Variants in DHRSX observed in about 807,000 individuals in gnomAD.
DHRSX encodes the protein dehydrogenase/reductase X-linked.
Under a neutral mutation model 34.0 loss-of-function variants are expected in DHRSX, and 31 were observed. The ratio of observed to expected loss-of-function variants is 0.91; its 90% CI spans 0.69 to 1.23. The LOEUF (loss-of-function observed/expected upper bound fraction) is 1.23, where lower values mean the gene tolerates loss of function less well. Among genes scored for constraint, DHRSX ranks in the 50% most tolerant of loss-of-function variants. The probability of loss-of-function intolerance (pLI) is 0.00; values close to 1 mark genes in which losing one functional copy is unlikely to be tolerated. For missense variants in DHRSX, 414 were observed against 428.1 expected (o/e 0.97, Z 0.29); for synonymous variants, 201 against 183.8 (o/e 1.09, Z -0.76).
chrX:2,350,018 G>A (rs78292193), intron 3 of DHRSX, among the ~76,000 whole-genome samples: 113,661 of 150,624 alleles, frequency 0.75, 44,064 homozygotes, highest in African/African-American at 0.9. Flanking sequence ...CAGCCTGGGC[G>A]ACAGAGACTC....
intron 3 of DHRSX, among the ~76,000 whole-genome samples, chrX:2,302,739 T>C: frequency 6.6e-6 from 1 of 152,246 alleles, no homozygotes; most frequent in Non-Finnish European, 1.5e-5. Context: ...TGTTCAGAAA[T>C]TGAAAGTAAA....
intron 1 of DHRSX, among the ~76,000 whole-genome samples, chrX:2,483,746 T>G (rs1320047858): frequency 3.1e-4 from 42 of 137,094 alleles, no homozygotes; most frequent in African/African-American, 1.1e-3. Flanking sequence ...GACAAATAAG[T>G]GGATTCCAAT....
At chrX:2,494,534 G>T (rs1425340823) in intron 1 of DHRSX, among the ~76,000 whole-genome samples, 1 of 151,902 alleles carries the variant, frequency 6.6e-6, no homozygotes, top group Non-Finnish European at 1.5e-5. Flanking sequence ...TAGGCTGAAA[G>T]AAGTCCGGGT....
At position 2,465,542 on chromosome X, in the gene DHRSX, C is replaced by G. The variant is rs1246954389; in HGVS notation, c.109+35275G>C. ...AGACGGCCAGGCACCGTGGCTGACA[C>G]CTGTCATCCGAGCACTTTGGGAGGC... On this transcript the variant is annotated intron_variant, in intron 1 of 6. Coordinates refer to ENST00000334651, the MANE Select transcript of DHRSX (RefSeq NM_145177.3). 2.0e-5 allele frequency among the ~76,000 whole-genome samples: 3 copies of G among 152,060 alleles called. No individual in the cohort carries two copies. In the East Asian group the frequency reaches 5.8e-4, roughly 29 times the overall value.
At chrX:2,336,304 G>A (rs1314029504) in intron 3 of DHRSX, 1 of 152,216 alleles carries the variant, frequency 6.6e-6, no homozygotes, top group African/African-American at 2.4e-5. Context: ...CACCACGCCA[G>A]ACTGCAGTAG....
chrX:2,266,421 G>A (rs2041472918), intron 5 of DHRSX, among the ~76,000 whole-genome samples: 1 of 146,638 alleles, frequency 6.8e-6, no homozygotes. Flanking sequence ...AGGGAGCACT[G>A]TTCCCAGAGC....
chrX:2,323,382 G>A (rs2042336800), intron 3 of DHRSX, among the ~76,000 whole-genome samples: 1 of 152,090 alleles, frequency 6.6e-6, no homozygotes, highest in Admixed American at 6.6e-5. Context: ...CTCTCCATCT[G>A]TTACACTCAG....
intron 3 of DHRSX, among the ~76,000 whole-genome samples, chrX:2,341,675 G>A (rs766476946): frequency 1.7e-4 from 17 of 98,494 alleles, no homozygotes; most frequent in Non-Finnish European, 3.7e-4. Flanking sequence ...TGGTGGGGGT[G>A]GGGGTAAAAT....
At chrX:2,353,228 A>G (rs1361099819) in intron 3 of DHRSX, among the ~76,000 whole-genome samples, 2 of 152,136 alleles carry the variant, frequency 1.3e-5, no homozygotes, top group Admixed American at 1.3e-4. Flanking sequence ...TGGGCGACAG[A>G]GCCAGACCCT....
At chrX:2,352,543 T>C (rs2042800860) in intron 3 of DHRSX, among the ~76,000 whole-genome samples, 2 of 152,250 alleles carry the variant, frequency 1.3e-5, no homozygotes, top group Middle Eastern at 3.4e-3. Flanking sequence ...TGTGAAGTTC[T>C]TCAGACATGC....
chrX:2,243,684 T>C (rs969454714), intron 5 of DHRSX, among the ~76,000 whole-genome samples: 1 of 151,672 alleles, frequency 6.6e-6, no homozygotes, highest in Non-Finnish European at 1.5e-5. Flanking sequence ...GATGGAAGTT[T>C]TACCATGTTG....
intron 1 of DHRSX, chrX:2,490,795 C>A: frequency 6.5e-7 from 1 of 1,550,094 alleles, no homozygotes. Flanking sequence ...AAGACAAACA[C>A]AGCATGAGAA....
chrX:2,392,033 G>T (rs763714569), intron 3 of DHRSX, among the ~76,000 whole-genome samples: 5 of 152,312 alleles, frequency 3.3e-5, no homozygotes, highest in African/African-American at 4.8e-5. Context: ...TGCATCCAAC[G>T]AAGTGAGGTT....
intron 1 of DHRSX, among the ~76,000 whole-genome samples, chrX:2,492,713 C>T (rs2045184810): frequency 6.6e-6 from 1 of 151,940 alleles, no homozygotes; most frequent in Non-Finnish European, 1.5e-5. Context: ...GCCTGAAGCC[C>T]AGGGACGCCA....
intron 4 of DHRSX, among the ~76,000 whole-genome samples, chrX:2,272,454 C>A (rs1569482547): frequency 1.3e-5 from 2 of 152,148 alleles, no homozygotes; most frequent in African/African-American, 4.8e-5. Flanking sequence ...GTCTACGCCC[C>A]TTCCCTTGAA....
rs1464692798 is a variant in DHRSX, at chrX:2,469,033, G to A, written c.109+31784C>T. 2.6e-5 allele frequency among the ~76,000 whole-genome samples: 4 copies of A among 151,236 alleles called. No individual in the cohort carries two copies. In the East Asian group the frequency reaches 7.9e-4, roughly 30 times the overall value. On this transcript the variant is annotated intron_variant, in intron 1 of 6. Transcript: ENST00000334651. ...AGCACTGAAGACATTCCCTAGGCACGTGGCTGAGGGGCCTCCGCCATGTAC... is the reference window on the plus strand; with the variant it reads ...AGCACTGAAGACATTCCCTAGGCACATGGCTGAGGGGCCTCCGCCATGTAC...
At chrX:2,264,982 T>G (rs1408348986) in intron 5 of DHRSX, among the ~76,000 whole-genome samples, 3 of 151,138 alleles carry the variant, frequency 2.0e-5, no homozygotes, top group Admixed American at 2.0e-4. Context: ...GCCCAGCAGA[T>G]GCAGGAAGCA....
intron 1 of DHRSX, chrX:2,490,006 C>A (rs779967592): frequency 6.2e-7 from 1 of 1,613,760 alleles, no homozygotes; most frequent in East Asian, 2.2e-5. Context: ...TCTCTTCGGG[C>A]ACCTCGAAGG....
intron 3 of DHRSX, among the ~76,000 whole-genome samples, chrX:2,376,294 C>T (rs2043140329): frequency 7.3e-6 from 1 of 137,534 alleles, no homozygotes; most frequent in South Asian, 2.3e-4. Flanking sequence ...TGTATGTCTA[C>T]ACTTGCCATA....
Sources: allele counts gnomAD v4.1 joint callset (sites outside exome capture counted in the v4.1 genomes callset), GRCh38; gene constraint gnomAD v4.1.1; transcripts MANE v1.5; gene names NCBI Gene and HGNC (gene_info 2026-07-23, HGNC 2026-07-21).